Variants in ACSL4 observed in about 807,000 individuals in gnomAD.
ACSL4 encodes the protein acyl-CoA synthetase long chain family member 4, also known as long-chain-fatty-acid--CoA ligase 4.
A neutral mutation model predicts 49.1 loss-of-function variants in ACSL4; 9 were observed. The ratio of observed to expected loss-of-function variants is 0.18; its 90% CI spans 0.11 to 0.32. The LOEUF is 0.32. Ranked by LOEUF, ACSL4 falls within the 10% of genes least tolerant of loss-of-function variation. The probability of loss-of-function intolerance (pLI) is 1.00; values close to 1 mark genes in which losing one functional copy is unlikely to be tolerated. For synonymous variants in ACSL4, 191 were observed against 170.3 expected (o/e 1.12, Z -0.95); for missense variants, 333 against 493.7 (o/e 0.67, Z 3.08).
In ACSL4 at chrX:109,724,168, T is replaced by C. The variant is rs949129861; in HGVS notation, c.-66+8971A>G. ...TTTCAGGTAAACGATCATAAAAATA[T>C]GTATGGCAAACATTTCACCTTCCTT... On this transcript the variant is annotated intron_variant, in intron 1 of 15. Transcript: ENST00000672401. Among the ~76,000 whole-genome samples, 13 of 112,492 alleles carry C rather than the reference T, an allele frequency of 1.2e-4. 3 individuals are homozygous for C. The highest frequency in any genetic ancestry group is 1.1e-3 in the South Asian group (3 of 2,732).
chrX:109,653,052 TAGG>T (rs1024205645), intron 15 of ACSL4, among the ~76,000 whole-genome samples: 2 of 111,474 alleles, frequency 1.8e-5, no homozygotes, highest in African/African-American at 6.5e-5. Context: ...ATAGAAATAA[TAGG>T]AGCCCAGTTA....
chrX:109,700,750 T>A (rs1178145146), intron 1 of ACSL4, among the ~76,000 whole-genome samples: 2 of 111,135 alleles, frequency 1.8e-5, no homozygotes, highest in South Asian at 3.8e-4. Flanking sequence ...AAAAGTTTTT[T>A]AAAAATATTC....
chrX:109,648,249 G>A (rs1603398955), intron 15 of ACSL4, among the ~76,000 whole-genome samples: 1 of 111,373 alleles, frequency 9.0e-6, no homozygotes, highest in East Asian at 2.8e-4. Flanking sequence ...CAATATCCTT[G>A]ATGAACATTG....
rs937433281 is a variant in ACSL4 at position 109,664,728 on chromosome X, T to C, written c.1390+692A>G. Among the ~76,000 whole-genome samples the C allele has an allele frequency of 9.6e-4, 108 of 112,171 alleles. 1 individual carries two copies. The highest frequency in any genetic ancestry group is 3.3e-3 in the African/African-American group (102 of 30,969). On this transcript the variant is annotated intron_variant, in intron 12 of 15. Coordinates refer to ENST00000672401, the MANE Select transcript of ACSL4 (RefSeq NM_001318510.2). ...TAAATTTTTAGTCCGTGTTCCATCC[T>C]AAGGTAAATATTCTCTTTTAAAATC... is the stretch of plus-strand genomic sequence containing the variant.
intron 1 of ACSL4, among the ~76,000 whole-genome samples, chrX:109,724,254 T>G (rs1927788179): frequency 9.0e-6 from 1 of 111,083 alleles, no homozygotes; most frequent in Non-Finnish European, 1.9e-5. Context: ...TTTGGTTTAT[T>G]TATTTTTGGG....
intron 2 of ACSL4, among the ~76,000 whole-genome samples, chrX:109,689,568 T>A (rs1257502251): frequency 8.9e-6 from 1 of 112,393 alleles, no homozygotes; most frequent in Admixed American, 9.4e-5. Context: ...GTCCCATTTG[T>A]TCCTGCCCCA....
At chrX:109,712,864 G>T (rs1322276998) in intron 1 of ACSL4, among the ~76,000 whole-genome samples, 1 of 111,243 alleles carries the variant, frequency 9.0e-6, no homozygotes, top group Non-Finnish European at 1.9e-5. Context: ...TACTCCAGAG[G>T]CTGAGGTGGG....
At chrX:109,653,608 T>G (rs964141475) in intron 15 of ACSL4, among the ~76,000 whole-genome samples, 22 of 110,745 alleles carry the variant, frequency 2.0e-4, no homozygotes, top group East Asian at 8.5e-4. Flanking sequence ...ATATACACCA[T>G]GGAATACTAT....
At position 109,668,820 on chromosome X, in the gene ACSL4, A is replaced by G. The variant is rs187106132; in HGVS notation, c.1142+214T>C. ...AATTTTATAAATAAATCTTAAATAT[A>G]CACTCAATTATTAAAATTTGTTAAA... On this transcript the variant is annotated intron_variant, in intron 10 of 15. Coordinates refer to ENST00000672401, the MANE Select transcript of ACSL4 (RefSeq NM_001318510.2). Among the ~76,000 whole-genome samples, 146 of 111,372 alleles carry G rather than the reference A, an allele frequency of 1.3e-3. 2 individuals are homozygous for G. The highest frequency in any genetic ancestry group is 4.5e-3 in the African/African-American group (139 of 30,764).
intron 4 of ACSL4, 30 bp from the exon 5 acceptor site, chrX:109,681,405 A>T (rs113648746): frequency 2.0e-6 from 2 of 980,082 alleles, no homozygotes; most frequent in African/African-American, 3.8e-5. Context: ...ACAAATATTA[A>T]GTAATAAACA....
chrX:109,683,037 A>G (rs1924300201), intron 3 of ACSL4, 99 bp downstream of exon 3: 1 of 1,033,012 alleles, frequency 9.7e-7, no homozygotes. Context: ...ACACAGCACT[A>G]TAATAGAATG....
chrX:109,699,172 G>A (rs767622586), intron 1 of ACSL4, among the ~76,000 whole-genome samples: 48 of 111,957 alleles, frequency 4.3e-4, no homozygotes, highest in Non-Finnish European at 8.1e-4. Context: ...TTTGAGACCA[G>A]CGTGGCCAAC....
intron 1 of ACSL4, among the ~76,000 whole-genome samples, chrX:109,724,268 C>T (rs1927790305): frequency 9.1e-6 from 1 of 110,327 alleles, no homozygotes; most frequent in South Asian, 3.8e-4. Context: ...TTTTGGGGGG[C>T]TTTTTTGTTT....
chrX:109,678,661 C>T (rs1487027673), intron 6 of ACSL4, among the ~76,000 whole-genome samples: 3 of 111,531 alleles, frequency 2.7e-5, no homozygotes, highest in African/African-American at 3.3e-5. Flanking sequence ...AAGACTCTGT[C>T]GCTACAAAAA....
intron 15 of ACSL4, among the ~76,000 whole-genome samples, chrX:109,659,035 T>C (rs768994066): frequency 8.9e-6 from 1 of 112,045 alleles, no homozygotes; most frequent in South Asian, 3.7e-4. Flanking sequence ...TTACTAAACT[T>C]AGAGTTACTA....
At chrX:109,674,196 C>T (rs1000959676) in intron 9 of ACSL4, among the ~76,000 whole-genome samples, 5 of 112,053 alleles carry the variant, frequency 4.5e-5, no homozygotes, top group Admixed American at 1.9e-4. Context: ...CAAACTCAAA[C>T]AGGCGTGCAT....
At chrX:109,673,494 T>C in intron 9 of ACSL4, among the ~76,000 whole-genome samples, 1 of 112,456 alleles carries the variant, frequency 8.9e-6, no homozygotes, top group Non-Finnish European at 1.9e-5. Context: ...ATGCCTCTTC[T>C]TTCTGTTTGA....
At chrX:109,646,757 G>C (rs1222869347) in intron 15 of ACSL4, among the ~76,000 whole-genome samples, 1 of 110,901 alleles carries the variant, frequency 9.0e-6, no homozygotes, top group Non-Finnish European at 1.9e-5. Context: ...ACCCATCAGT[G>C]TGCTGTATTC....
chrX:109,715,492 T>C (rs958254865), intron 1 of ACSL4, among the ~76,000 whole-genome samples: 2 of 109,723 alleles, frequency 1.8e-5, no homozygotes, highest in African/African-American at 6.6e-5. Flanking sequence ...ATACAAAAAT[T>C]AGCCAGGCAT....
Sources: allele counts gnomAD v4.1 joint callset (sites outside exome capture counted in the v4.1 genomes callset), GRCh38; gene constraint gnomAD v4.1.1; transcripts MANE v1.5; gene names NCBI Gene and HGNC (gene_info 2026-07-23, HGNC 2026-07-21).